Variants in NEBL observed in about 807,000 individuals in gnomAD.
The protein encoded by NEBL is nebulette, also known as LIM and SH3 protein 2.
In NEBL, 122 loss-of-function variants were observed where a neutral mutation model predicts 140.2. That is an observed-to-expected ratio of 0.87 (90% CI 0.75 to 1.01). The LOEUF (loss-of-function observed/expected upper bound fraction) is 1.01, where lower values mean the gene tolerates loss of function less well. Among genes scored for constraint, NEBL ranks in the 50% least tolerant of loss-of-function variants. The probability of loss-of-function intolerance (pLI) is 0.00; values close to 1 mark genes in which losing one functional copy is unlikely to be tolerated. For synonymous variants in NEBL, 436 were observed against 398.9 expected (o/e 1.09, Z -1.11); for missense variants, 1,365 against 1,231.3 (o/e 1.11, Z -1.62).
intron 3 of NEBL, among the ~76,000 whole-genome samples, chr10:20,990,510 C>T (rs959213265): frequency 2.6e-5 from 4 of 152,326 alleles, no homozygotes; most frequent in South Asian, 4.1e-4. Flanking sequence ...AGAGGGCCCT[C>T]ACCAGACACC....
intron 3 of NEBL, among the ~76,000 whole-genome samples, chr10:21,012,665 GC>G (rs551143673): frequency 1.2e-4 from 19 of 152,192 alleles, no homozygotes; most frequent in African/African-American, 4.6e-4. Flanking sequence ...AAGCTACTGT[GC>G]CCAGCCTGAT....
chr10:21,210,977 T>C (rs933057860), intron 3 of NEBL, among the ~76,000 whole-genome samples: 1 of 152,208 alleles, frequency 6.6e-6, no homozygotes, highest in Non-Finnish European at 1.5e-5. Flanking sequence ...CTAGGTTCTT[T>C]GGAAACACTG....
chr10:21,109,908 G>A (rs1324930073), intron 2 of NEBL, among the ~76,000 whole-genome samples: 4 of 151,792 alleles, frequency 2.6e-5, no homozygotes, highest in East Asian at 3.9e-4. Flanking sequence ...TTCTTTACTA[G>A]TCCAGCTAGT....
At chr10:20,852,711 T>C (rs1842673495) in intron 9 of NEBL, 62 bp from the exon 10 acceptor site, 7 of 1,325,202 alleles carry the variant, frequency 5.3e-6, no homozygotes, top group Non-Finnish European at 7.5e-6. Flanking sequence ...CAATAAATAC[T>C]TAGAAATACA....
At chr10:21,202,465 T>C (rs974793551) in intron 3 of NEBL, among the ~76,000 whole-genome samples, 8 of 144,096 alleles carry the variant, frequency 5.6e-5, no homozygotes, top group South Asian at 4.4e-4. Flanking sequence ...CTTTTTCTTT[T>C]TTTTTTTTTT....
At position 21,189,679 on chromosome 10, in the gene NEBL, G is replaced by C. The variant is rs1339135047; in HGVS notation, n.349-17202C>G. On this transcript the variant is annotated intron_variant and non_coding_transcript_variant, in intron 3 of 8. Transcript: ENST00000675702. ...GACGGGGGTCTCACTGTGTTAGCCAGGATGGTCTTGATCTCCTGACCTCGT... is the reference window on the plus strand; with the variant it reads ...GACGGGGGTCTCACTGTGTTAGCCACGATGGTCTTGATCTCCTGACCTCGT... 7.9e-5 allele frequency among the ~76,000 whole-genome samples: 12 copies of C among 152,080 alleles called. 1 individual carries two copies. The highest frequency in any genetic ancestry group is 6.5e-4 in the Admixed American group (10 of 15,282).
intron 4 of NEBL, among the ~76,000 whole-genome samples, chr10:20,932,519 A>G (rs1339481832): frequency 1.3e-5 from 2 of 152,194 alleles, no homozygotes; most frequent in African/African-American, 2.4e-5. Flanking sequence ...GCAGCAAACC[A>G]CCATGGCACA....
At chr10:21,155,359 C>A (rs1840299693) in intron 2 of NEBL, among the ~76,000 whole-genome samples, 1 of 152,128 alleles carries the variant, frequency 6.6e-6, no homozygotes, top group Non-Finnish European at 1.5e-5. Flanking sequence ...GTTGTGCTAT[C>A]AAATACCAGG....
At chr10:20,808,874 A>T (rs188190061) in intron 25 of NEBL, among the ~76,000 whole-genome samples, 16 of 152,322 alleles carry the variant, frequency 1.1e-4, no homozygotes, top group Admixed American at 2.0e-4. Context: ...TTTAAGTCTC[A>T]ATTTTAAAGG....
intron 3 of NEBL, among the ~76,000 whole-genome samples, chr10:21,234,693 C>T (rs1017819714): frequency 2.0e-5 from 3 of 152,266 alleles, no homozygotes; most frequent in East Asian, 1.9e-4. Flanking sequence ...GAACCTCAGC[C>T]GACTGGGATC....
At chr10:21,232,475 A>G (rs906413831) in intron 3 of NEBL, among the ~76,000 whole-genome samples, 1 of 152,200 alleles carries the variant, frequency 6.6e-6, no homozygotes. Context: ...ACAACTCACC[A>G]TAATGTACAA....
At chr10:20,956,826 G>A (rs978304572) in intron 4 of NEBL, among the ~76,000 whole-genome samples, 6 of 152,020 alleles carry the variant, frequency 3.9e-5, no homozygotes, top group Non-Finnish European at 7.4e-5. Flanking sequence ...AGTGTCTGTT[G>A]TTCAGATTCA....
At chr10:20,946,789 C>A (rs556255764) in intron 4 of NEBL, among the ~76,000 whole-genome samples, 1 of 152,166 alleles carries the variant, frequency 6.6e-6, no homozygotes, top group Non-Finnish European at 1.5e-5. Flanking sequence ...GGGGTAGAGT[C>A]TTAATATCAG....
chr10:20,986,564 A>G (rs1837266805), intron 3 of NEBL, among the ~76,000 whole-genome samples: 1 of 152,234 alleles, frequency 6.6e-6, no homozygotes, highest in Admixed American at 6.5e-5. Flanking sequence ...AACAAATGAT[A>G]CCTAAAATCC....
At chr10:21,115,736 G>A (rs1035952946) in intron 2 of NEBL, among the ~76,000 whole-genome samples, 1 of 151,880 alleles carries the variant, frequency 6.6e-6, no homozygotes, top group East Asian at 1.9e-4. Context: ...GGGTCTGTGG[G>A]ATGATGATTT....
intron 1 of NEBL, among the ~76,000 whole-genome samples, chr10:21,257,601 A>C (rs1354161277): frequency 2.0e-5 from 3 of 152,144 alleles, no homozygotes; most frequent in Non-Finnish European, 4.4e-5. Context: ...AAAACCACCA[A>C]AACGCCGTGC....
chr10:21,234,820 T>C (rs1842327041), intron 3 of NEBL, among the ~76,000 whole-genome samples: 1 of 151,676 alleles, frequency 6.6e-6, no homozygotes, highest in African/African-American at 2.4e-5. Context: ...TGCCCTGAAG[T>C]TTCAGAACAC....
At chr10:20,943,129 C>G (rs1033684772) in intron 4 of NEBL, among the ~76,000 whole-genome samples, 5 of 152,204 alleles carry the variant, frequency 3.3e-5, no homozygotes, top group African/African-American at 1.2e-4. Flanking sequence ...GCTATAAAGA[C>G]ACATGCACAC....
chr10:21,200,631 T>C (rs190663107), intron 3 of NEBL, among the ~76,000 whole-genome samples: 4 of 152,290 alleles, frequency 2.6e-5, no homozygotes, highest in African/African-American at 7.2e-5. Context: ...AATTTTAAGA[T>C]GGCCACAATT....
Sources: allele counts gnomAD v4.1 joint callset (sites outside exome capture counted in the v4.1 genomes callset), GRCh38; gene constraint gnomAD v4.1.1; transcripts MANE v1.5; gene names NCBI Gene and HGNC (gene_info 2026-07-23, HGNC 2026-07-21).